The following IGLL1 variants were observed in gnomAD, a reference collection of about 807,000 sequenced individuals.
The protein encoded by IGLL1 is immunoglobulin lambda like polypeptide 1.
A neutral mutation model predicts 10.5 loss-of-function variants in IGLL1; 10 were observed. The ratio of observed to expected loss-of-function variants is 0.95; its 90% CI spans 0.59 to 1.62. IGLL1 has a LOEUF of 1.62. IGLL1 is among the 40% of genes most tolerant of loss of function. The pLI is 0.00. For synonymous variants in IGLL1, 141 were observed against 122.7 expected (o/e 1.15, Z -0.99); for missense variants, 284 against 278.7 (o/e 1.02, Z -0.14).
At chr22:23,579,672 C>A (rs1925240280) in intron 1 of IGLL1, among the ~76,000 whole-genome samples, 1 of 152,024 alleles carries the variant, frequency 6.6e-6, no homozygotes, top group Non-Finnish European at 1.5e-5. Flanking sequence ...CTGTGGACGT[C>A]CTGCCCCTGC....
In IGLL1 at chr22:23,573,179, G is replaced by A. The variant is rs1924855933; in HGVS notation, c.*87C>T. ...AGGGTTTACTGGGTACAGGGAGAAG[G>A]GCTGGATGGCTTGGGATGCAGAGAG... is the stretch of plus-strand genomic sequence containing the variant. On this transcript the variant is annotated 3_prime_UTR_variant, in exon 3 of 3. Transcript: ENST00000330377. 7.9e-7 allele frequency: 1 copy of A among 1,263,300 alleles called. No homozygotes were observed. Among genetic ancestry groups the A allele is most frequent in the Non-Finnish European group, 1.2e-6 (1 of 864,448 alleles). 78.3% of individuals were successfully genotyped at this position (1,263,300 alleles called of 1,614,324 possible). A position where few individuals can be genotyped will look rare whatever the true frequency, so the allele number is the denominator to read the frequency against.
rs963857780 is a variant in IGLL1, at chr22:23,580,268, G to A, written c.-78C>T. The A allele has an allele frequency of 4.3e-5, 65 of 1,527,182 alleles. No homozygotes were observed. Among genetic ancestry groups the A allele is most frequent in the African/African-American group, 2.2e-4 (16 of 72,800 alleles). The allele number at this position is 1,527,182 out of a possible 1,614,324, so 94.6% of individuals were successfully genotyped here. ...AGAGAGTGGTGCCCTGGTCCCTCTC[G>A]CTGGCAGCAGCTGTCCCATTGCACC... On this transcript the variant is annotated 5_prime_UTR_variant, in exon 1 of 3. Transcript: ENST00000330377.
rs956395232 is a variant in IGLL1 at position 23,580,216 on chromosome 22, T to A, written c.-26A>T. The A allele has an allele frequency of 2.0e-6, 3 of 1,535,652 alleles. No individual in the cohort carries two copies. The highest frequency in any genetic ancestry group is 2.6e-6 in the Non-Finnish European group (3 of 1,146,668). On this transcript the variant is annotated 5_prime_UTR_variant, in exon 1 of 3. Coordinates refer to ENST00000330377, the MANE Select transcript of IGLL1 (RefSeq NM_020070.4). Reference sequence around the variant, plus strand: ...CGGCCCTCAGGGTCAGAGGTCCTTGTGGCCTGACTTGCAGTGTGGGCTCCC... The same window carrying A: ...CGGCCCTCAGGGTCAGAGGTCCTTGAGGCCTGACTTGCAGTGTGGGCTCCC...
chr22:23,574,455 C>T (rs532041713), intron 2 of IGLL1, among the ~76,000 whole-genome samples: 1 of 151,956 alleles, frequency 6.6e-6, no homozygotes, highest in Non-Finnish European at 1.5e-5. Flanking sequence ...TGTCCCCATG[C>T]CCTGAAGACC....
At position 23,573,212 on chromosome 22, in the gene IGLL1, T is replaced by C; in HGVS notation, c.*54A>G. 2 of 1,561,472 alleles carry C rather than the reference T, an allele frequency of 1.3e-6. No homozygotes were observed. The highest frequency in any genetic ancestry group is 1.7e-5 in the Admixed American group (1 of 59,854). On this transcript the variant is annotated 3_prime_UTR_variant, in exon 3 of 3. Coordinates refer to ENST00000330377, the MANE Select transcript of IGLL1 (RefSeq NM_020070.4). ...GGCTTGGGATGCAGAGAGAGACCCT[T>C]CCCCTGGGATCCTGCAGCTCCAGGC...
At position 23,573,685 on chromosome 22, in the gene IGLL1, G is replaced by A. The variant is rs1042309068; in HGVS notation, c.323-100C>T. 5 of 932,066 alleles carry A rather than the reference G, an allele frequency of 5.4e-6. No individual in the cohort carries two copies. The Admixed American group carries it at 6.2e-5, about 12-fold the overall frequency. The allele number at this position is 932,066 out of a possible 1,614,324, so 57.7% of individuals were successfully genotyped here. On this transcript the variant is annotated intron_variant, in intron 2 of 2. Transcript: ENST00000330377. ...AGTCTCTGGGAGGGTTCATGGTGTG[G>A]CCGCCTGGTCCACCCAGGGCCTCTC...
intron 2 of IGLL1, 30 bp from the exon 3 acceptor site, chr22:23,573,615 G>A (rs370571886): frequency 2.0e-5 from 30 of 1,532,678 alleles, no homozygotes; most frequent in Middle Eastern, 1.8e-4. Flanking sequence ...GGTGAGAGAT[G>A]GCAGAGGGAG....
At chr22:23,574,684 T>C (rs939524837) in intron 2 of IGLL1, among the ~76,000 whole-genome samples, 3 of 152,086 alleles carry the variant, frequency 2.0e-5, no homozygotes, top group African/African-American at 4.8e-5. Flanking sequence ...CACTCAGACA[T>C]CTGCCCTGGG....
In IGLL1 at chr22:23,573,289, C is replaced by T. The variant is rs779159751; in HGVS notation, c.619G>A (p.Val207Met). The change falls in exon 3 of 3, where the codon GTG (valine) becomes ATG (methionine). Residue 207 changes from valine to methionine, a missense_variant. Physicochemically the swap from Val to Met is conservative, Grantham distance 21 (BLOSUM62 1). Coordinates refer to ENST00000330377, the MANE Select transcript of IGLL1 (RefSeq NM_020070.4). ...ACCTATGAACATTCTGCAGGGGCCA[C>T]CGTCTTCTCCACGGTGCTCCCTTCG... Reference protein sequence around the residue: ...MHEGSTVEKTVAPAECS With the variant: ...MHEGSTVEKTMAPAECS 3 of 1,614,126 alleles carry T rather than the reference C, an allele frequency of 1.9e-6. No homozygotes were observed. The highest frequency in any genetic ancestry group is 1.7e-5 in the Admixed American group (1 of 60,020).
At position 23,573,567 on chromosome 22, in the gene IGLL1, G is replaced by A. The variant is rs575368058; in HGVS notation, c.341C>T (p.Pro114Leu). ...GGACGGCGGGAACAGAGTGACCGAG[G>A]GGGTGGCCTTGGGCTGACCTGTGTG... ...LTVLSQPKAT[P>L]SVTLFPPSSE... Residue 114 changes from proline (P) to leucine (L), a missense_variant, in exon 3 of 3, where the codon CCC (proline) becomes CTC (leucine). Physicochemically the swap from Pro to Leu is moderately conservative, Grantham distance 98. Coordinates refer to ENST00000330377, the MANE Select transcript of IGLL1 (RefSeq NM_020070.4). The A allele has an allele frequency of 9.1e-5, 147 of 1,613,914 alleles. 4 individuals carry two copies. In the South Asian group the frequency reaches 1.5e-3, roughly 17 times the overall value.
At chr22:23,577,995 C>T (rs930012463) in intron 1 of IGLL1, among the ~76,000 whole-genome samples, 1 of 151,868 alleles carries the variant, frequency 6.6e-6, no homozygotes, top group Non-Finnish European at 1.5e-5. Context: ...AGCGATTCTC[C>T]TGCCTCCCCT....
At chr22:23,577,575 T>C (rs148926676) in intron 1 of IGLL1, among the ~76,000 whole-genome samples, 4,774 of 146,944 alleles carry the variant, frequency 0.032, 262 homozygotes, top group African/African-American at 0.12. Flanking sequence ...TCTCCTTCTG[T>C]CACCCAGGCT....
intron 1 of IGLL1, among the ~76,000 whole-genome samples, chr22:23,578,088 TGGCCA>T: frequency 6.6e-6 from 1 of 152,176 alleles, no homozygotes; most frequent in Non-Finnish European, 1.5e-5. Context: ...TTTGCCATGT[TGGCCA>T]GGATGGTCTC....
At chr22:23,577,497 G>A (rs1026603792) in intron 1 of IGLL1, among the ~76,000 whole-genome samples, 1 of 151,280 alleles carries the variant, frequency 6.6e-6, no homozygotes, top group Non-Finnish European at 1.5e-5. Context: ...TTATTTGATA[G>A]GAGATATTTA....
intron 2 of IGLL1, among the ~76,000 whole-genome samples, chr22:23,574,766 A>G (rs995410616): frequency 3.9e-5 from 6 of 151,986 alleles, no homozygotes; most frequent in African/African-American, 1.5e-4. Flanking sequence ...TGCTGTTGGA[A>G]CCTGAAGGCG....
chr22:23,574,904 G>A (rs1386928533), intron 2 of IGLL1, 63 bp downstream of exon 2: 30 of 1,166,720 alleles, frequency 2.6e-5, no homozygotes, highest in Non-Finnish European at 3.2e-5. Flanking sequence ...GCCCCAGAGA[G>A]AGAAAACACA....
chr22:23,579,071 T>TC, intron 1 of IGLL1, among the ~76,000 whole-genome samples: 1 of 152,010 alleles, frequency 6.6e-6, no homozygotes, highest in African/African-American at 2.4e-5. Flanking sequence ...CTAGAGGGGA[T>TC]AGCTTGGGCC....
chr22:23,577,168 T>TG (rs1925100121), intron 1 of IGLL1, among the ~76,000 whole-genome samples: 1 of 152,152 alleles, frequency 6.6e-6, no homozygotes, highest in Admixed American at 6.6e-5. Context: ...TCTCAGCACT[T>TG]TAGGAGGCCG....
chr22:23,578,982 A>G (rs1424079706), intron 1 of IGLL1, among the ~76,000 whole-genome samples: 1 of 151,882 alleles, frequency 6.6e-6, no homozygotes, highest in African/African-American at 2.4e-5. Context: ...AAAAGAAAAA[A>G]AAGAGAGAAA....
Sources: gnomAD v4.1 joint callset for allele counts (sites outside exome capture counted in the v4.1 genomes callset) on GRCh38, gnomAD v4.1.1 for gene constraint, MANE v1.5 for transcripts, NCBI Gene and HGNC (gene_info 2026-07-23, HGNC 2026-07-21) for gene names.